The following ALK variants were observed in gnomAD, a reference collection of about 807,000 sequenced individuals.
ALK encodes the protein ALK receptor tyrosine kinase.
A neutral mutation model predicts 163.1 loss-of-function variants in ALK; 74 were observed. The ratio of observed to expected loss-of-function variants is 0.45; its 90% confidence interval spans 0.38 to 0.55. The LOEUF is 0.55. Ranked by LOEUF, ALK falls within the 20% of genes least tolerant of loss-of-function variation. The pLI, the probability that ALK is intolerant of heterozygous loss-of-function variation, is 0.00. For synonymous variants in ALK, 960 were observed against 843.2 expected, an observed-to-expected ratio of 1.14 and a Z score of -2.40; for missense variants, 2,063 against 2,105.3, an observed-to-expected ratio of 0.98 and a Z score of 0.39.
chr2:29,658,590 G>T (rs905333284), intron 3 of ALK, among the ~76,000 whole-genome samples: 2 of 152,182 alleles, frequency 1.3e-5, no homozygotes, highest in Non-Finnish European at 2.9e-5. Flanking sequence ...GGCTGCAAAA[G>T]TGCTCAAATA....
intron 5 of ALK, among the ~76,000 whole-genome samples, chr2:29,376,933 A>G (rs1169027194): frequency 6.6e-6 from 1 of 152,152 alleles, no homozygotes; most frequent in Non-Finnish European, 1.5e-5. Flanking sequence ...AAGGAGAGAG[A>G]GGGGGACAAG....
chr2:29,755,835 C>T (rs1256690574), intron 1 of ALK, among the ~76,000 whole-genome samples: 1 of 152,174 alleles, frequency 6.6e-6, no homozygotes, highest in Non-Finnish European at 1.5e-5. Flanking sequence ...GTCGCAGCAC[C>T]TCAAGCACCT....
At chr2:29,331,945 A>G (rs1173161181) in intron 5 of ALK, among the ~76,000 whole-genome samples, 3 of 152,024 alleles carry the variant, frequency 2.0e-5, no homozygotes, top group Admixed American at 2.0e-4. Context: ...AAATATAGTT[A>G]AGACCTTATT....
intron 3 of ALK, among the ~76,000 whole-genome samples, chr2:29,586,982 T>C (rs1381335022): frequency 6.6e-6 from 1 of 152,178 alleles, no homozygotes; most frequent in Non-Finnish European, 1.5e-5. Flanking sequence ...GGGAATCTAG[T>C]AGGATGAGGT....
chr2:29,880,573 T>C (rs758555163), intron 1 of ALK, among the ~76,000 whole-genome samples: 35 of 152,212 alleles, frequency 2.3e-4, no homozygotes, highest in Non-Finnish European at 4.0e-4. Context: ...CAGGGATCTA[T>C]GGCTAGGTAT....
intron 3 of ALK, among the ~76,000 whole-genome samples, chr2:29,649,398 A>G (rs1177177417): frequency 1.3e-5 from 2 of 152,074 alleles, no homozygotes; most frequent in African/African-American, 4.8e-5. Flanking sequence ...TAGAACTGCT[A>G]TCATCAAATA....
chr2:29,212,635 T>A (rs1245339928), intron 24 of ALK, among the ~76,000 whole-genome samples: 1 of 152,260 alleles, frequency 6.6e-6, no homozygotes, highest in African/African-American at 2.4e-5. Flanking sequence ...TCCTGACCTC[T>A]CATTTCCCCA....
chr2:29,314,190 C>T (rs937342445), intron 8 of ALK, among the ~76,000 whole-genome samples: 2 of 152,104 alleles, frequency 1.3e-5, no homozygotes, highest in Non-Finnish European at 1.5e-5. Flanking sequence ...CCTTCGGGTG[C>T]CTTCCTTTGA....
At position 29,695,058 on chromosome 2, in the gene ALK, AC is replaced by A. The variant is rs1391074639; in HGVS notation, c.788-45del. On this transcript the variant is annotated intron_variant, in intron 2 of 28. Coordinates refer to ENST00000389048, the MANE Select transcript of ALK (RefSeq NM_004304.5). The stretch of plus-strand genomic sequence containing the variant: ...GTCAATGGAAAAAACCATTTCCCAA[AC>A]GTGACTTTTCAGCCCCCTCCACTCC... 3.1e-6 allele frequency: 5 copies of A among 1,612,802 alleles called. No individual in the cohort carries two copies. The African/African-American group carries it at 5.3e-5, about 17-fold the overall frequency.
At chr2:29,662,305 A>G (rs114189032) in intron 3 of ALK, among the ~76,000 whole-genome samples, 1,534 of 152,236 alleles carry the variant, frequency 0.01, 27 homozygotes, top group African/African-American at 0.035. Flanking sequence ...TGAACCTCCA[A>G]TTCTGCACCT....
At chr2:29,726,206 A>G (rs1198278453) in intron 1 of ALK, among the ~76,000 whole-genome samples, 3 of 152,136 alleles carry the variant, frequency 2.0e-5, no homozygotes, top group East Asian at 1.9e-4. Context: ...GCAGGGCAAC[A>G]TGACTCTCTG....
At chr2:29,355,555 T>A (rs1161545623) in intron 5 of ALK, among the ~76,000 whole-genome samples, 2 of 152,058 alleles carry the variant, frequency 1.3e-5, no homozygotes, top group Non-Finnish European at 2.9e-5. Context: ...TATGCCACTA[T>A]CCCATCCCTC....
At chr2:29,705,187 C>T (rs538198209) in intron 2 of ALK, among the ~76,000 whole-genome samples, 1 of 142,802 alleles carries the variant, frequency 7.0e-6, no homozygotes, top group Non-Finnish European at 1.5e-5. Context: ...CACTACACTC[C>T]AGCCTGGGTG....
intron 5 of ALK, among the ~76,000 whole-genome samples, chr2:29,340,523 G>A (rs1311039970): frequency 6.6e-6 from 1 of 152,134 alleles, no homozygotes; most frequent in African/African-American, 2.4e-5. Context: ...CAGTAGAAGG[G>A]CTGGCTACTT....
chr2:29,607,661 T>G (rs1430125082), intron 3 of ALK, among the ~76,000 whole-genome samples: 1 of 152,198 alleles, frequency 6.6e-6, no homozygotes, highest in African/African-American at 2.4e-5. Flanking sequence ...GCATCTCTTC[T>G]CTTGGCTTCT....
intron 3 of ALK, among the ~76,000 whole-genome samples, chr2:29,641,376 C>G (rs1676695829): frequency 6.6e-6 from 1 of 152,026 alleles, no homozygotes. Context: ...GAAAAGATGA[C>G]CACAGCGCGT....
chr2:29,514,092 C>T (rs1250852683), intron 4 of ALK, among the ~76,000 whole-genome samples: 1 of 114,630 alleles, frequency 8.7e-6, no homozygotes, highest in East Asian at 2.9e-4. Context: ...GTCAGTGTGG[C>T]GATTCCTCAG....
intron 4 of ALK, among the ~76,000 whole-genome samples, chr2:29,395,312 TC>T (rs2148310817): frequency 6.6e-6 from 1 of 152,290 alleles, no homozygotes; most frequent in South Asian, 2.1e-4. Context: ...TAAACTGTGG[TC>T]CTGTAAGCAA....
intron 4 of ALK, among the ~76,000 whole-genome samples, chr2:29,473,470 C>T (rs1671419846): frequency 6.6e-6 from 1 of 152,108 alleles, no homozygotes; most frequent in Non-Finnish European, 1.5e-5. Context: ...GAGAAAATAT[C>T]TGCAATATTC....
Sources: allele counts gnomAD v4.1 joint callset (sites outside exome capture counted in the v4.1 genomes callset), GRCh38; gene constraint gnomAD v4.1.1; transcripts MANE v1.5; gene names NCBI Gene and HGNC (gene_info 2026-07-23, HGNC 2026-07-21).